GSE1: variants seen among roughly 807,000 people sequenced by gnomAD.
GSE1 encodes the protein Gse1 coiled-coil protein, also known as genetic suppressor element 1.
A neutral mutation model predicts 112.6 loss-of-function variants in GSE1; 32 were observed. The observed-to-expected ratio is 0.28, with a 90% CI of 0.21 to 0.38. The LOEUF is 0.38. Among genes scored for constraint, GSE1 ranks in the 10% least tolerant of loss-of-function variants. The pLI, the probability that GSE1 is intolerant of heterozygous loss-of-function variation, is 1.00. For synonymous variants in GSE1, 1,115 were observed against 735.6 expected (o/e 1.52, Z -8.35); for missense variants, 2,348 against 1,699.2 (o/e 1.38, Z -6.71).
chr16:85,429,602 C>T (rs567054330), intron 2 of GSE1, among the ~76,000 whole-genome samples: 1 of 152,188 alleles, frequency 6.6e-6, no homozygotes, highest in Non-Finnish European at 1.5e-5. Context: ...TGTTCCATGG[C>T]CCCCAGCATC....
At chr16:85,278,749 A>T (rs1209348863) in intron 1 of GSE1, 1 of 153,718 alleles carries the variant, frequency 6.5e-6, no homozygotes, top group Non-Finnish European at 1.5e-5. Flanking sequence ...CATGTTTCAT[A>T]GTTCAGGAAC....
At chr16:85,296,361 T>C (rs907474670) in intron 1 of GSE1, among the ~76,000 whole-genome samples, 1 of 151,956 alleles carries the variant, frequency 6.6e-6, no homozygotes, top group Admixed American at 6.6e-5. Context: ...TCCCAGCACT[T>C]TGGGAGGCCG....
At chr16:85,230,833 A>G (rs529246425) in intron 1 of GSE1, among the ~76,000 whole-genome samples, 16 of 150,236 alleles carry the variant, frequency 1.1e-4, no homozygotes, top group East Asian at 5.9e-4. Flanking sequence ...GTGGAAGACT[A>G]GATGGATGGA....
At chr16:85,351,800 G>T (rs913493540) in intron 1 of GSE1, among the ~76,000 whole-genome samples, 9 of 152,194 alleles carry the variant, frequency 5.9e-5, no homozygotes, top group African/African-American at 2.2e-4. Context: ...GACCAGACTG[G>T]CCAACATGGT....
chr16:85,412,834 T>C (rs1177285527), intron 2 of GSE1, among the ~76,000 whole-genome samples: 1 of 152,194 alleles, frequency 6.6e-6, no homozygotes, highest in Non-Finnish European at 1.5e-5. Context: ...ACCCTTACCT[T>C]TTTGCCATAT....
At chr16:85,542,877 C>T (rs1295225693) in intron 2 of GSE1, among the ~76,000 whole-genome samples, 1 of 152,224 alleles carries the variant, frequency 6.6e-6, no homozygotes. Context: ...GGTAGTTTCC[C>T]TCATTACATG....
chr16:85,421,357 C>T (rs957672154), intron 2 of GSE1, among the ~76,000 whole-genome samples: 1 of 152,086 alleles, frequency 6.6e-6, no homozygotes. Flanking sequence ...CCCCAATTTC[C>T]ACACCCTCTG....
At chr16:85,198,736 C>A (rs1156985298) in intron 1 of GSE1, among the ~76,000 whole-genome samples, 3 of 152,256 alleles carry the variant, frequency 2.0e-5, no homozygotes, top group Non-Finnish European at 1.5e-5. Flanking sequence ...TTGCTCCTTG[C>A]CAGGCCTCCT....
At chr16:85,182,524 G>A (rs553407684) in intron 1 of GSE1, among the ~76,000 whole-genome samples, 1 of 152,190 alleles carries the variant, frequency 6.6e-6, no homozygotes, top group Non-Finnish European at 1.5e-5. Context: ...TTCCTGATTC[G>A]TAAGTGTTTG....
At chr16:85,218,473 C>T (rs12595970) in intron 1 of GSE1, among the ~76,000 whole-genome samples, 1 of 152,168 alleles carries the variant, frequency 6.6e-6, no homozygotes, top group Admixed American at 6.5e-5. Context: ...GTGCCAGGCA[C>T]ACTTCTGGGG....
intron 1 of GSE1, among the ~76,000 whole-genome samples, chr16:85,192,954 C>T (rs886870626): frequency 1.3e-5 from 2 of 152,190 alleles, no homozygotes; most frequent in Admixed American, 1.3e-4. Context: ...CTGCGCCCAA[C>T]CTGGCGTCTG....
rs114447804 is a variant in GSE1 at position 85,668,393 on chromosome 16, C to T, written c.3384C>T (p.Ala1128=). 1.5e-4 allele frequency: 245 copies of T among 1,610,712 alleles called. No individual in the cohort carries two copies. In the African/African-American group the frequency reaches 1.8e-3, roughly 12 times the overall value. The change falls in exon 14 of 16, where the codon GCC becomes GCT. Residue 1128 remains alanine (A), a synonymous_variant. Coordinates refer to ENST00000253458, the MANE Select transcript of GSE1 (RefSeq NM_014615.5). ...AGCGCAAGTGGCAAGGGATCGAGGCCGTTTTTGAAGCTTACCAGGAACACA... is the reference window on the plus strand; with the variant it reads ...AGCGCAAGTGGCAAGGGATCGAGGCTGTTTTTGAAGCTTACCAGGAACACA... ...VPKRKWQGIE[A]VFEAYQEHIE...
At chr16:85,221,347 G>A (rs1476942422) in intron 1 of GSE1, among the ~76,000 whole-genome samples, 1 of 150,640 alleles carries the variant, frequency 6.6e-6, no homozygotes, top group Non-Finnish European at 1.5e-5. Context: ...CCAAGTACAT[G>A]CACACACACA....
rs1347331126 is a variant in GSE1 at position 85,661,031 on chromosome 16, C to G, written c.1641-115C>G. On this transcript the variant is annotated intron_variant, in intron 8 of 15. Coordinates refer to ENST00000253458, the MANE Select transcript of GSE1 (RefSeq NM_014615.5). ...CTCCCTGCAGCCCTGTTGGCACTGGCTCTCTAAGGGGCTGCGCCATCTGTG... is the reference window on the plus strand; with the variant it reads ...CTCCCTGCAGCCCTGTTGGCACTGGGTCTCTAAGGGGCTGCGCCATCTGTG... 5 of 916,774 alleles carry G rather than the reference C, an allele frequency of 5.5e-6. No individual in the cohort carries two copies. The African/African-American group carries it at 8.3e-5, about 15-fold the overall frequency. The allele number at this position is 916,774 out of a possible 1,614,324, so 56.8% of individuals were successfully genotyped here. A position where few individuals can be genotyped will look rare whatever the true frequency, so the allele number is the denominator to read the frequency against.
chr16:85,501,004 T>TG (rs1458623215), intron 2 of GSE1, among the ~76,000 whole-genome samples: 1 of 129,108 alleles, frequency 7.7e-6, no homozygotes. Context: ...TTCTGTTTTT[T>TG]TTTTTTTTTT....
At chr16:85,188,136 C>G (rs1034056717) in intron 1 of GSE1, among the ~76,000 whole-genome samples, 5 of 152,168 alleles carry the variant, frequency 3.3e-5, no homozygotes, top group African/African-American at 1.2e-4. Flanking sequence ...TGGAGGGTAC[C>G]TGGGATCCAG....
At chr16:85,194,732 CTTCTG>C (rs576025082) in intron 1 of GSE1, among the ~76,000 whole-genome samples, 80 of 152,294 alleles carry the variant, frequency 5.3e-4, no homozygotes, top group African/African-American at 1.6e-3. Flanking sequence ...CTGTGTTGGA[CTTCTG>C]TTCTGTGCAG....
intron 1 of GSE1, among the ~76,000 whole-genome samples, chr16:85,337,410 A>G (rs1001985382): frequency 6.8e-5 from 10 of 146,716 alleles, no homozygotes; most frequent in Non-Finnish European, 1.5e-4. Context: ...GGTTCACGCC[A>G]TTCTCCTGCC....
At chr16:85,458,226 G>A (rs919374211) in intron 2 of GSE1, among the ~76,000 whole-genome samples, 12 of 152,202 alleles carry the variant, frequency 7.9e-5, no homozygotes, top group Admixed American at 2.0e-4. Context: ...CCTCGCTCCC[G>A]GCTGGATGCC....
Sources: gnomAD v4.1 joint callset for allele counts (sites outside exome capture counted in the v4.1 genomes callset) on GRCh38, gnomAD v4.1.1 for gene constraint, MANE v1.5 for transcripts, NCBI Gene and HGNC (gene_info 2026-07-23, HGNC 2026-07-21) for gene names.